SIMC1: variants seen among roughly 807,000 people sequenced by gnomAD.
The protein encoded by SIMC1 is SUMO interacting motifs containing 1.
SIMC1 carries 55 observed loss-of-function variants against 82.3 expected under a neutral mutation model. The observed-to-expected ratio is 0.67, with a 90% CI of 0.54 to 0.84. The LOEUF is 0.84. Among genes scored for constraint, SIMC1 ranks in the 40% least tolerant of loss-of-function variants. The probability of loss-of-function intolerance (pLI) is 0.00; values close to 1 mark genes in which losing one functional copy is unlikely to be tolerated. For synonymous variants in SIMC1, 353 were observed against 426.3 expected (o/e 0.83, Z 2.12); for missense variants, 915 against 1,107.2 (o/e 0.83, Z 2.46).
intron 1 of SIMC1, among the ~76,000 whole-genome samples, chr5:176,258,311 T>G (rs1469554726): frequency 6.6e-6 from 1 of 151,562 alleles, no homozygotes; most frequent in Non-Finnish European, 1.5e-5. Context: ...GTAGGTAGTA[T>G]TATTATCCCT....
rs766505460 is a variant in SIMC1 at position 176,324,672 on chromosome 5, G to A, written c.2086G>A (p.Val696Met). The A allele has an allele frequency of 1.2e-6, 2 of 1,610,062 alleles. No individual in the cohort carries two copies. Among genetic ancestry groups the A allele is most frequent in the Admixed American group, 1.7e-5 (1 of 59,438 alleles). Residue 696 changes from valine to methionine, a missense_variant, in exon 7 of 10, where the codon GTG becomes ATG. Physicochemically the swap from Val to Met is conservative, Grantham distance 21 (BLOSUM62 1). Transcript: ENST00000429602. The stretch of plus-strand genomic sequence containing the variant: ...GAGGATGCTCTCCATAGCCGTAGAG[G>A]TGGACAGGACCCCCACCTGCAGCTC... Reference protein sequence around the residue: ...LQRMLSIAVEVDRTPTCSSNK... With the variant: ...LQRMLSIAVEMDRTPTCSSNK...
chr5:176,275,447 A>G (rs1762644529), intron 1 of SIMC1, among the ~76,000 whole-genome samples: 1 of 151,814 alleles, frequency 6.6e-6, no homozygotes, highest in East Asian at 1.9e-4. Flanking sequence ...CTCTTTTCCT[A>G]ATTGAATACC....
intron 4 of SIMC1, among the ~76,000 whole-genome samples, chr5:176,307,840 C>CT (rs1015542583): frequency 1.3e-5 from 2 of 152,164 alleles, no homozygotes; most frequent in African/African-American, 4.8e-5. Flanking sequence ...TTGACAGTTT[C>CT]TTTAAAAGTT....
chr5:176,246,571 G>T (rs1441476941), intron 1 of SIMC1, among the ~76,000 whole-genome samples: 1 of 151,744 alleles, frequency 6.6e-6, no homozygotes, highest in African/African-American at 2.4e-5. Flanking sequence ...CCGAGTAGCT[G>T]GGATTACAGG....
chr5:176,301,452 G>A (rs1356031079), intron 4 of SIMC1, among the ~76,000 whole-genome samples: 3 of 152,056 alleles, frequency 2.0e-5, no homozygotes, highest in Non-Finnish European at 4.4e-5. Flanking sequence ...TATTAGTAGC[G>A]TGATACACCC....
At chr5:176,245,786 TGAG>T (rs1470582022) in intron 1 of SIMC1, among the ~76,000 whole-genome samples, 1 of 152,070 alleles carries the variant, frequency 6.6e-6, no homozygotes, top group African/African-American at 2.4e-5. Flanking sequence ...AAAGGAAAAA[TGAG>T]GAGGATTACA....
chr5:176,293,446 AAATT>A (rs797021978), intron 2 of SIMC1, among the ~76,000 whole-genome samples: 2 of 151,928 alleles, frequency 1.3e-5, no homozygotes, highest in Admixed American at 6.6e-5. Flanking sequence ...AAAAAAAAAA[AAATT>A]AATTGTTTAA....
chr5:176,305,978 G>A (rs1476085117), intron 4 of SIMC1, among the ~76,000 whole-genome samples: 9 of 74,006 alleles, frequency 1.2e-4, no homozygotes, highest in Admixed American at 2.3e-4. Flanking sequence ...ATCCGGGAGG[G>A]AGGTGGGGGG....
intron 7 of SIMC1, among the ~76,000 whole-genome samples, chr5:176,325,876 A>G (rs536253610): frequency 6.6e-6 from 1 of 152,294 alleles, no homozygotes; most frequent in Admixed American, 6.5e-5. Flanking sequence ...CAAGAATGAA[A>G]AGAGTTGGAC....
At chr5:176,284,482 C>T (rs1763171460) in intron 1 of SIMC1, among the ~76,000 whole-genome samples, 1 of 152,098 alleles carries the variant, frequency 6.6e-6, no homozygotes, top group Admixed American at 6.6e-5. Context: ...CCAATGAGAA[C>T]AAAGACACAA....
At chr5:176,286,220 T>TAC (rs1399599730) in intron 1 of SIMC1, among the ~76,000 whole-genome samples, 4 of 152,286 alleles carry the variant, frequency 2.6e-5, no homozygotes, top group Non-Finnish European at 4.4e-5. Flanking sequence ...GGCATCATGC[T>TAC]ACCTGACTTC....
At chr5:176,241,570 A>C (rs1761275936) in intron 1 of SIMC1, among the ~76,000 whole-genome samples, 1 of 151,806 alleles carries the variant, frequency 6.6e-6, no homozygotes, top group Admixed American at 6.6e-5. Flanking sequence ...TATGTAGCTA[A>C]CCCTTGAAGA....
chr5:176,296,070 G>T (rs1763801247), intron 3 of SIMC1, 181 bp from the exon 4 acceptor site: 1 of 1,129,344 alleles, frequency 8.9e-7, no homozygotes, highest in African/African-American at 1.6e-5. Context: ...TGGATACTGG[G>T]TAGCAAAAAA....
intron 4 of SIMC1, chr5:176,304,354 C>G (rs1016885417): frequency 3.7e-5 from 6 of 162,414 alleles, no homozygotes; most frequent in African/African-American, 1.4e-4. Context: ...CGCGCCACCA[C>G]GCCTGACTGG....
At chr5:176,335,155 C>G (rs1439838235) in intron 7 of SIMC1, among the ~76,000 whole-genome samples, 1 of 151,628 alleles carries the variant, frequency 6.6e-6, no homozygotes, top group Non-Finnish European at 1.5e-5. Flanking sequence ...TTCTCTAATG[C>G]CTGAAAATGG....
At chr5:176,333,985 T>C (rs190092873) in intron 7 of SIMC1, among the ~76,000 whole-genome samples, 1 of 152,014 alleles carries the variant, frequency 6.6e-6, no homozygotes, top group East Asian at 1.9e-4. Flanking sequence ...TAACATTTGG[T>C]TCCTTTTTAT....
chr5:176,322,141 T>A, intron 5 of SIMC1, 132 bp from the exon 6 acceptor site: 1 of 1,023,194 alleles, frequency 9.8e-7, no homozygotes, highest in Non-Finnish European at 1.4e-6. Context: ...TCCAGGGATC[T>A]GGGGGCCCAG....
intron 4 of SIMC1, chr5:176,308,902 C>T (rs940971441): frequency 2.9e-5 from 38 of 1,308,906 alleles, no homozygotes; most frequent in African/African-American, 1.3e-4. Context: ...CAGCAGTCAG[C>T]GGGCCTCTTC....
chr5:176,259,775 AAAT>A (rs530138890), intron 1 of SIMC1, among the ~76,000 whole-genome samples: 3,167 of 151,488 alleles, frequency 0.021, 48 homozygotes, highest in Middle Eastern at 0.065. Context: ...TCTATCTCAA[AAAT>A]AATAATAATC....
Sources: allele counts gnomAD v4.1 joint callset (sites outside exome capture counted in the v4.1 genomes callset), GRCh38; gene constraint gnomAD v4.1.1; transcripts MANE v1.5; gene names NCBI Gene and HGNC (gene_info 2026-07-23, HGNC 2026-07-21).